The following GRID2 variants were observed in gnomAD, a reference collection of about 807,000 sequenced individuals.
GRID2 encodes glutamate ionotropic receptor delta type subunit 2.
GRID2 carries 33 observed loss-of-function variants against 114.8 expected under a neutral mutation model. The ratio of observed to expected loss-of-function variants is 0.29; its 90% CI spans 0.22 to 0.38. The LOEUF (loss-of-function observed/expected upper bound fraction) is 0.38. Among genes scored for constraint, GRID2 ranks in the 10% least tolerant of loss-of-function variants. The probability of loss-of-function intolerance (pLI) is 1.00; values close to 1 mark genes in which losing one functional copy is unlikely to be tolerated. For missense variants in GRID2, 1,184 were observed against 1,257.7 expected (o/e 0.94, Z 0.89); for synonymous variants, 505 against 449.9 (o/e 1.12, Z -1.55).
At chr4:92,404,820 A>G (rs1296360933) in intron 1 of GRID2, among the ~76,000 whole-genome samples, 1 of 152,202 alleles carries the variant, frequency 6.6e-6, no homozygotes, top group African/African-American at 2.4e-5. Flanking sequence ...TAAAAGTGGA[A>G]GCTGAACAAT....
At chr4:92,886,887 A>G (rs1746410553) in intron 2 of GRID2, among the ~76,000 whole-genome samples, 1 of 152,060 alleles carries the variant, frequency 6.6e-6, no homozygotes, top group African/African-American at 2.4e-5. Context: ...GGCCTCCCAA[A>G]GTGCTGGGAT....
At chr4:92,351,327 C>CA (rs550762188) in intron 1 of GRID2, among the ~76,000 whole-genome samples, 87 of 151,742 alleles carry the variant, frequency 5.7e-4, no homozygotes, top group African/African-American at 1.9e-3. Flanking sequence ...TCCAGATTCT[C>CA]AAAAAAACTT....
chr4:93,057,431 G>A (rs117773702), intron 2 of GRID2, among the ~76,000 whole-genome samples: 1 of 151,522 alleles, frequency 6.6e-6, no homozygotes, highest in Non-Finnish European at 1.5e-5. Context: ...TGAATTTTTT[G>A]TTGTTGTTGT....
intron 2 of GRID2, among the ~76,000 whole-genome samples, chr4:93,038,674 C>T (rs1319290537): frequency 6.6e-6 from 1 of 151,976 alleles, no homozygotes; most frequent in Non-Finnish European, 1.5e-5. Flanking sequence ...ACCTGTAGTC[C>T]CAGCTACTCG....
At chr4:93,705,321 CTTTTTTCTTTTT>C (rs1024522406) in intron 14 of GRID2, among the ~76,000 whole-genome samples, 2 of 149,926 alleles carry the variant, frequency 1.3e-5, no homozygotes, top group African/African-American at 4.9e-5. Context: ...TGTTTTGTTT[CTTTTTTCTTTTT>C]TTTTTTCTTC....
At chr4:93,353,229 A>G (rs1337683622) in intron 8 of GRID2, among the ~76,000 whole-genome samples, 1 of 151,994 alleles carries the variant, frequency 6.6e-6, no homozygotes, top group Non-Finnish European at 1.5e-5. Flanking sequence ...ATCAATTCTA[A>G]ACTTAATAGG....
intron 2 of GRID2, among the ~76,000 whole-genome samples, chr4:92,914,157 A>C (rs1331386850): frequency 2.0e-5 from 3 of 152,124 alleles, no homozygotes; most frequent in Non-Finnish European, 2.9e-5. Flanking sequence ...CTTTGCATTA[A>C]ACAATTGTAC....
intron 1 of GRID2, among the ~76,000 whole-genome samples, chr4:92,554,585 C>A (rs1401414332): frequency 6.6e-6 from 1 of 152,116 alleles, no homozygotes; most frequent in Non-Finnish European, 1.5e-5. Flanking sequence ...TGGGTAATGT[C>A]AAGCTGTTTA....
intron 13 of GRID2, among the ~76,000 whole-genome samples, chr4:93,585,766 G>A (rs1484739963): frequency 1.3e-5 from 2 of 151,860 alleles, no homozygotes; most frequent in African/African-American, 4.8e-5. Flanking sequence ...GTTATAACAA[G>A]TTAATACAAG....
chr4:93,383,324 C>T (rs28683046), intron 8 of GRID2, among the ~76,000 whole-genome samples: 26,555 of 151,956 alleles, frequency 0.17, 4,200 homozygotes, highest in African/African-American at 0.43. Flanking sequence ...TTTGCCCATG[C>T]TGGCTTTTGT....
chr4:92,625,635 A>AT (rs1282858203), intron 2 of GRID2, among the ~76,000 whole-genome samples: 6 of 151,790 alleles, frequency 4.0e-5, no homozygotes, highest in Admixed American at 2.0e-4. Flanking sequence ...TCAGCCCTAG[A>AT]TTTTTTATCT....
Position 92,652,820 on chromosome 4 carries a change from T to A in GRID2, c.244+62534T>A, listed in dbSNP as rs979783995. 5.0e-3 allele frequency among the ~76,000 whole-genome samples: 689 copies of A among 137,496 alleles called. 32 individuals are homozygous for A. The highest frequency in any genetic ancestry group is 0.017 in the African/African-American group (655 of 37,774). The allele number at this position is 137,496 out of a possible 152,430, so 90.2% of individuals were successfully genotyped here. A position where few individuals can be genotyped will look rare whatever the true frequency, so the allele number is the denominator to read the frequency against. ...GTGAAAAAAAAAATATATATATATA[T>A]ATAAATATATATAAATTTATAAATA... On this transcript the variant is annotated intron_variant, in intron 2 of 15. Transcript: ENST00000282020.
chr4:92,869,464 C>G (rs765924239), intron 2 of GRID2, among the ~76,000 whole-genome samples: 2 of 152,150 alleles, frequency 1.3e-5, no homozygotes, highest in African/African-American at 4.8e-5. Context: ...ACTGGTAGTT[C>G]GGATGGCTCA....
chr4:93,395,261 T>C (rs764247604), intron 8 of GRID2, among the ~76,000 whole-genome samples: 1 of 151,952 alleles, frequency 6.6e-6, no homozygotes, highest in Non-Finnish European at 1.5e-5. Flanking sequence ...CAGTAATTGA[T>C]ATATTAAAAA....
intron 2 of GRID2, among the ~76,000 whole-genome samples, chr4:92,970,895 T>C (rs1262709768): frequency 6.6e-6 from 1 of 151,926 alleles, no homozygotes. Flanking sequence ...TGCTTATCAC[T>C]GGTAAGTAGT....
At chr4:93,448,400 A>G (rs1210636016) in intron 10 of GRID2, among the ~76,000 whole-genome samples, 1 of 151,952 alleles carries the variant, frequency 6.6e-6, no homozygotes, top group Non-Finnish European at 1.5e-5. Flanking sequence ...CTACACAATA[A>G]TAAATAACAT....
intron 2 of GRID2, among the ~76,000 whole-genome samples, chr4:92,877,074 C>G (rs975562762): frequency 1.3e-5 from 2 of 152,084 alleles, no homozygotes; most frequent in Non-Finnish European, 2.9e-5. Flanking sequence ...AGAAACAAAA[C>G]AAATTTTTTT....
intron 1 of GRID2, among the ~76,000 whole-genome samples, chr4:92,439,163 T>A (rs6831486): frequency 6.6e-6 from 1 of 151,016 alleles, no homozygotes; most frequent in Non-Finnish European, 1.5e-5. Flanking sequence ...GGGTTGCAAG[T>A]TGCTCAGTGG....
At chr4:92,414,636 G>A (rs1269400543) in intron 1 of GRID2, among the ~76,000 whole-genome samples, 2 of 152,048 alleles carry the variant, frequency 1.3e-5, no homozygotes, top group East Asian at 3.9e-4. Context: ...ATATGGTTGT[G>A]GACAGTGAGC....
Sources: gnomAD v4.1 joint callset for allele counts (sites outside exome capture counted in the v4.1 genomes callset) on GRCh38, gnomAD v4.1.1 for gene constraint, MANE v1.5 for transcripts, NCBI Gene and HGNC (gene_info 2026-07-23, HGNC 2026-07-21) for gene names.